The following GLYR1 variants were observed in gnomAD, a reference collection of about 807,000 sequenced individuals.
The protein encoded by GLYR1 is glyoxylate reductase 1 homolog.
In GLYR1, 21 loss-of-function variants were observed where a neutral mutation model predicts 72.7. That is an observed-to-expected ratio of 0.29 (90% confidence interval 0.20 to 0.42). The LOEUF is 0.42. Among genes scored for constraint, GLYR1 ranks in the 10% least tolerant of loss-of-function variants. GLYR1 has a pLI of 1.00. For synonymous variants in GLYR1, 392 were observed against 270.2 expected, an observed-to-expected ratio of 1.45 and a Z score of -4.42; for missense variants, 594 against 712.1, an observed-to-expected ratio of 0.83 and a Z score of 1.89.
chr16:4,829,484 T>A (rs1272425443), intron 5 of GLYR1, among the ~76,000 whole-genome samples: 1 of 151,766 alleles, frequency 6.6e-6, no homozygotes, highest in Non-Finnish European at 1.5e-5. Context: ...ACTTTTTGTT[T>A]CTTTTTTTGT....
chr16:4,823,964 T>C (rs1461074418), intron 5 of GLYR1, 57 bp from the exon 6 acceptor site: 1 of 1,379,154 alleles, frequency 7.3e-7, no homozygotes, highest in Non-Finnish European at 1.0e-6. Context: ...ACAAAACCCC[T>C]TGCAAGCTCC....
chr16:4,832,422 G>T, intron 4 of GLYR1: 1 of 646,550 alleles, frequency 1.5e-6, no homozygotes, highest in Non-Finnish European at 2.6e-6. Context: ...CTTTCCCTAT[G>T]TCCCAAAACT....
At chr16:4,843,767 C>T (rs2085734038) in intron 3 of GLYR1, 2 of 529,696 alleles carry the variant, frequency 3.8e-6, no homozygotes, top group Non-Finnish European at 5.4e-6. Flanking sequence ...CTGTATTTTC[C>T]TATAAGAATA....
rs764990979 is a variant in GLYR1 at position 4,803,722 on chromosome 16, C to T, written c.*1514G>A. The stretch of plus-strand genomic sequence containing the variant: ...CCACTCGTCTTCTGCAATCCTCTAA[C>T]CCAGTTTCTAATCTCTGAAAGGGGC... On this transcript the variant is annotated 3_prime_UTR_variant, in exon 16 of 16. Transcript: ENST00000321919. 5 of 152,196 alleles carry T rather than the reference C, an allele frequency of 3.3e-5. No homozygotes were observed. The highest frequency in any genetic ancestry group is 6.5e-5 in the Admixed American group (1 of 15,268). The allele number at this position is 152,196 out of a possible 1,614,324, so 9.4% of individuals were successfully genotyped here. A position where few individuals can be genotyped will look rare whatever the true frequency, so the allele number is the denominator to read the frequency against.
At chr16:4,820,658 T>C (rs1054850757) in intron 9 of GLYR1, among the ~76,000 whole-genome samples, 2 of 152,266 alleles carry the variant, frequency 1.3e-5, no homozygotes, top group Non-Finnish European at 2.9e-5. Flanking sequence ...GCACTGTTTT[T>C]AGTCTGGGGA....
Position 4,811,645 on chromosome 16 carries a change from G to A in GLYR1, c.1440C>T (p.Ile480=), listed in dbSNP as rs754355505. The part of the protein sequence containing the change: ...DILNQGQLAS[I]FLDQKCQNIL... ...CACTTTGGCACTTCTGGTCCAGGAA[G>A]ATGCTGGCCAACTGTCCCTGATTGA... Residue 480 remains isoleucine, a synonymous_variant, in exon 14 of 16, where the codon ATC becomes ATT. Coordinates refer to ENST00000321919, the MANE Select transcript of GLYR1 (RefSeq NM_032569.4). The A allele has an allele frequency of 1.2e-6, 2 of 1,614,130 alleles. No individual in the cohort carries two copies. The highest frequency in any genetic ancestry group is 2.2e-5 in the South Asian group (2 of 91,072).
At chr16:4,807,409 A>G (rs1255663750) in intron 15 of GLYR1, among the ~76,000 whole-genome samples, 1 of 152,164 alleles carries the variant, frequency 6.6e-6, no homozygotes, top group African/African-American at 2.4e-5. Context: ...CACCGTGCCC[A>G]GCTGAAACTG....
chr16:4,836,365 A>C (rs1240748213), intron 3 of GLYR1, among the ~76,000 whole-genome samples: 1 of 152,168 alleles, frequency 6.6e-6, no homozygotes, highest in African/African-American at 2.4e-5. Flanking sequence ...TCTTTCCTTG[A>C]TAGAAGCTGT....
At chr16:4,837,932 A>AAAATAAATAAAT (rs59357306) in intron 3 of GLYR1, among the ~76,000 whole-genome samples, 33 of 142,512 alleles carry the variant, frequency 2.3e-4, no homozygotes, top group East Asian at 6.1e-4. Context: ...TCCATCTCAA[A>AAAATAAATAAAT]AAATAAATAA....
intron 3 of GLYR1, among the ~76,000 whole-genome samples, chr16:4,836,620 G>A (rs1402309249): frequency 1.3e-5 from 2 of 152,134 alleles, no homozygotes; most frequent in Non-Finnish European, 2.9e-5. Flanking sequence ...AGATGAGCAA[G>A]ATAAAAAGCA....
At chr16:4,817,069 G>A (rs1257711909) in intron 10 of GLYR1, among the ~76,000 whole-genome samples, 1 of 151,220 alleles carries the variant, frequency 6.6e-6, no homozygotes, top group Non-Finnish European at 1.5e-5. Context: ...TCAGCCTCCT[G>A]AGTAACTGAG....
In GLYR1 at chr16:4,832,241, A is replaced by AATG. The variant is rs757067147; in HGVS notation, c.295-23_295-21dup. On this transcript the variant is annotated intron_variant, in intron 4 of 15. Coordinates refer to ENST00000321919, the MANE Select transcript of GLYR1 (RefSeq NM_032569.4). ...TGACGTCTGAAAGTTTAATAATAAT[A>AATG]ATGATAACTACCACCACAGCTGCTG... 9 of 1,612,784 alleles carry AATG rather than the reference A, an allele frequency of 5.6e-6. No homozygotes were observed. In the Admixed American group the frequency reaches 1.5e-4, roughly 27 times the overall value.
At chr16:4,817,094 C>A (rs1050770215) in intron 10 of GLYR1, among the ~76,000 whole-genome samples, 4 of 151,592 alleles carry the variant, frequency 2.6e-5, no homozygotes, top group African/African-American at 9.7e-5. Context: ...CAGGTGAACG[C>A]CACCATACCC....
chr16:4,804,933 CTGTGTGTGTGTGTGTG>C lies in GLYR1; in HGVS notation c.*287_*302del, dbSNP rs143624351. 1,584 of 297,512 alleles carry C rather than the reference CTGTGTGTGTGTGTGTG, an allele frequency of 5.3e-3. 21 individuals are homozygous for C. Among genetic ancestry groups the C allele is most frequent in the African/African-American group, 0.031 (1,426 of 46,226 alleles). The allele number at this position is 297,512 out of a possible 1,614,324, so 18.4% of individuals were successfully genotyped here. A position where few individuals can be genotyped will look rare whatever the true frequency, so the allele number is the denominator to read the frequency against. ...GCAGCTTCTATCCTGGGGCGAGAGC[CTGTGTGTGTGTGTGTG>C]TGTGTGTGTGTGTGTGTGTGTGAAC... On this transcript the variant is annotated 3_prime_UTR_variant, in exon 16 of 16. Coordinates refer to ENST00000321919, the MANE Select transcript of GLYR1 (RefSeq NM_032569.4).
Position 4,814,591 on chromosome 16 carries a change from G to T in GLYR1, c.963C>A (p.Val321=). The T allele has an allele frequency of 6.2e-7, 1 of 1,614,182 alleles. No homozygotes were observed. Residue 321 remains valine, a synonymous_variant, in exon 11 of 16, where the codon GTC becomes GTA. Coordinates refer to ENST00000321919, the MANE Select transcript of GLYR1 (RefSeq NM_032569.4). The part of the protein sequence containing the change: ...ARLGRTPAEV[V]STCDITFACV... ...AGGCGAAAGTGATGTCGCAGGTTGAGACGACTTCAGCGGGGGTTCTTCCCA... is the reference window on the plus strand; with the variant it reads ...AGGCGAAAGTGATGTCGCAGGTTGATACGACTTCAGCGGGGGTTCTTCCCA...
chr16:4,841,291 G>A (rs1192611668), intron 3 of GLYR1, among the ~76,000 whole-genome samples: 1 of 151,614 alleles, frequency 6.6e-6, no homozygotes, highest in Non-Finnish European at 1.5e-5. Flanking sequence ...TTATAAACAA[G>A]GATCACAGTT....
At chr16:4,823,660 G>A (rs1034172618) in intron 6 of GLYR1, among the ~76,000 whole-genome samples, 161 bp downstream of exon 6, 2 of 151,222 alleles carry the variant, frequency 1.3e-5, no homozygotes, top group Non-Finnish European at 2.9e-5. Flanking sequence ...GCTCACCCTA[G>A]AGGGAAATTT....
At chr16:4,813,171 G>A (rs1311325482) in intron 12 of GLYR1, among the ~76,000 whole-genome samples, 2 of 151,872 alleles carry the variant, frequency 1.3e-5, no homozygotes, top group Non-Finnish European at 2.9e-5. Context: ...CACCGTGTTA[G>A]CCAGGATGGT....
At chr16:4,819,907 G>A (rs1391631969) in intron 9 of GLYR1, among the ~76,000 whole-genome samples, 1 of 152,102 alleles carries the variant, frequency 6.6e-6, no homozygotes, top group East Asian at 1.9e-4. Context: ...CATTATTTGG[G>A]TAGTACAATA....
Sources: allele counts gnomAD v4.1 joint callset (sites outside exome capture counted in the v4.1 genomes callset), GRCh38; gene constraint gnomAD v4.1.1; transcripts MANE v1.5; gene names NCBI Gene and HGNC (gene_info 2026-07-23, HGNC 2026-07-21).